The following UBXN2B variants were observed in gnomAD, a reference collection of about 807,000 sequenced individuals.
UBXN2B encodes UBX domain protein 2B, also known as UBX domain-containing protein 2B.
UBXN2B carries 19 observed loss-of-function variants against 37.5 expected under a neutral mutation model. That is an observed-to-expected ratio of 0.51 (90% CI 0.35 to 0.74). The LOEUF is 0.74. Ranked by LOEUF, UBXN2B falls within the 30% of genes least tolerant of loss-of-function variation. UBXN2B has a pLI of 0.01. For missense variants in UBXN2B, 370 were observed against 393.2 expected (o/e 0.94, Z 0.50); for synonymous variants, 145 against 143.8 (o/e 1.01, Z -0.06).
intron 2 of UBXN2B, among the ~76,000 whole-genome samples, chr8:58,417,367 A>T (rs183727018): frequency 2.8e-3 from 433 of 152,306 alleles, no homozygotes; most frequent in African/African-American, 9.5e-3. Flanking sequence ...TTTTAAGGAT[A>T]TGTGTGTTTC....
Position 58,439,547 on chromosome 8 carries a change from G to T in UBXN2B, c.534-86G>T. ...GCAAAAAATTCTGTTTTCCAGTGTA[G>T]CTCATGAAATAATTACAGTAATCTC... On this transcript the variant is annotated intron_variant, in intron 5 of 7. Transcript: ENST00000399598. 7.5e-6 allele frequency: 11 copies of T among 1,464,330 alleles called. No homozygotes were observed. The South Asian group carries it at 1.4e-4, about 18-fold the overall frequency. 90.7% of individuals were successfully genotyped at this position (1,464,330 alleles called of 1,614,324 possible).
chr8:58,426,160 C>T, intron 2 of UBXN2B: 1 of 851,802 alleles, frequency 1.2e-6, no homozygotes, highest in South Asian at 1.3e-5. Context: ...TGGAAAATTT[C>T]TCCCCTCCAC....
At chr8:58,446,783 T>TG (rs1808684748) in intron 7 of UBXN2B, among the ~76,000 whole-genome samples, 1 of 58,354 alleles carries the variant, frequency 1.7e-5, no homozygotes, top group Non-Finnish European at 3.4e-5. Context: ...ACCTGCATTT[T>TG]TTTTTTTTTT....
At chr8:58,427,522 T>G (rs1315378899) in intron 2 of UBXN2B, among the ~76,000 whole-genome samples, 1 of 152,144 alleles carries the variant, frequency 6.6e-6, no homozygotes, top group Non-Finnish European at 1.5e-5. Flanking sequence ...GAGAAAAGGG[T>G]GAAATTAATG....
In UBXN2B at chr8:58,427,315, T is replaced by C. The variant is rs1276787794; in HGVS notation, c.189-3204T>C. Among the ~76,000 whole-genome samples the C allele has an allele frequency of 2.0e-5, 3 of 152,058 alleles. No homozygotes were observed. The East Asian group carries it at 5.8e-4, about 29-fold the overall frequency. Reference sequence around the variant, plus strand: ...CTTAAACCCCATCTCTACAAAAAAATAGCCAAGCGTGGTGGTGCACGCCTG... The same window carrying C: ...CTTAAACCCCATCTCTACAAAAAAACAGCCAAGCGTGGTGGTGCACGCCTG... On this transcript the variant is annotated intron_variant, in intron 2 of 7. Transcript: ENST00000399598.
chr8:58,416,618 A>G (rs1008239706), intron 1 of UBXN2B, among the ~76,000 whole-genome samples: 8 of 152,342 alleles, frequency 5.3e-5, no homozygotes, highest in Middle Eastern at 3.4e-3. Context: ...ATTGAAAATA[A>G]TCAAGTAATT....
intron 2 of UBXN2B, among the ~76,000 whole-genome samples, chr8:58,419,336 T>C (rs1336187664): frequency 1.3e-5 from 2 of 152,226 alleles, no homozygotes; most frequent in Non-Finnish European, 2.9e-5. Flanking sequence ...AAACAGTGCT[T>C]ATTTTCATGG....
At chr8:58,431,775 C>A (rs1463748341) in intron 3 of UBXN2B, among the ~76,000 whole-genome samples, 1 of 152,180 alleles carries the variant, frequency 6.6e-6, no homozygotes, top group Non-Finnish European at 1.5e-5. Context: ...ATAGTGATAA[C>A]ATGCCATGGT....
chr8:58,438,083 G>C (rs2129604452), intron 5 of UBXN2B, among the ~76,000 whole-genome samples: 1 of 152,164 alleles, frequency 6.6e-6, no homozygotes, highest in East Asian at 1.9e-4. Context: ...TGCATCTCCA[G>C]CCGCAGCTCA....
At chr8:58,436,986 C>A (rs62512912) in intron 5 of UBXN2B, among the ~76,000 whole-genome samples, 1 of 152,150 alleles carries the variant, frequency 6.6e-6, no homozygotes, top group Non-Finnish European at 1.5e-5. Flanking sequence ...TCTAAAGATA[C>A]ATGAAGATGT....
intron 3 of UBXN2B, among the ~76,000 whole-genome samples, chr8:58,431,442 T>C (rs1207279070): frequency 6.6e-6 from 1 of 152,254 alleles, no homozygotes; most frequent in Non-Finnish European, 1.5e-5. Flanking sequence ...GCATTTTATA[T>C]AGATATACCA....
chr8:58,443,399 C>CT (rs1484383519), intron 6 of UBXN2B, among the ~76,000 whole-genome samples: 2 of 152,026 alleles, frequency 1.3e-5, no homozygotes, highest in African/African-American at 4.8e-5. Flanking sequence ...AAAAAATTTT[C>CT]TTTTTAATGT....
intron 2 of UBXN2B, among the ~76,000 whole-genome samples, chr8:58,422,493 T>A (rs1807954871): frequency 6.6e-6 from 1 of 152,236 alleles, no homozygotes; most frequent in Non-Finnish European, 1.5e-5. Context: ...CACTCGATGA[T>A]TCAACATATA....
chr8:58,435,233 G>A, intron 5 of UBXN2B: 1 of 814,230 alleles, frequency 1.2e-6, no homozygotes, highest in Admixed American at 4.8e-5. Context: ...TATATACAGG[G>A]TTATACTCCA....
chr8:58,426,002 G>A (rs1808073487), intron 2 of UBXN2B: 1 of 1,445,920 alleles, frequency 6.9e-7, no homozygotes, highest in African/African-American at 1.4e-5. Context: ...TAATTTCTCT[G>A]CTTCTTTCCC....
intron 5 of UBXN2B, among the ~76,000 whole-genome samples, chr8:58,435,645 T>C (rs1258101963): frequency 6.6e-6 from 1 of 152,172 alleles, no homozygotes; most frequent in African/African-American, 2.4e-5. Flanking sequence ...ACAAAGAACA[T>C]ATTGAGAATG....
At position 58,451,220 on chromosome 8, in the gene UBXN2B, TA is replaced by T. The variant is rs1310554032; in HGVS notation, c.*3670del. 6.6e-6 allele frequency: 1 copy of T among 152,426 alleles called. No homozygotes were observed. Among genetic ancestry groups the T allele is most frequent in the African/African-American group, 2.4e-5 (1 of 41,462 alleles). 9.4% of individuals were successfully genotyped at this position (152,426 alleles called of 1,614,324 possible). A position where few individuals can be genotyped will look rare whatever the true frequency, so the allele number is the denominator to read the frequency against. ...CATACAAAAACAACTGCCATTTTTG[TA>T]TATAATAGTCTTCCAAGATAGAGAT... On this transcript the variant is annotated 3_prime_UTR_variant, in exon 8 of 8. Transcript: ENST00000399598.
intron 5 of UBXN2B, chr8:58,434,841 C>G (rs1192377801): frequency 1.3e-6 from 2 of 1,535,340 alleles, no homozygotes; most frequent in Non-Finnish European, 1.7e-6. Context: ...AGCCACTGTC[C>G]TGCTTACTGT....
At chr8:58,423,724 C>T (rs1399549636) in intron 2 of UBXN2B, among the ~76,000 whole-genome samples, 9 of 149,384 alleles carry the variant, frequency 6.0e-5, no homozygotes, top group Non-Finnish European at 8.9e-5. Context: ...CGTGAGCCAC[C>T]GCGCCCAGCC....
Sources: allele counts gnomAD v4.1 joint callset (sites outside exome capture counted in the v4.1 genomes callset), GRCh38; gene constraint gnomAD v4.1.1; transcripts MANE v1.5; gene names NCBI Gene and HGNC (gene_info 2026-07-23, HGNC 2026-07-21).